CHD9: variants seen among roughly 807,000 people sequenced by gnomAD.
CHD9 encodes the protein chromodomain helicase DNA binding protein 9, also known as ATP-dependent chromatin remodeler CHD9.
A neutral mutation model predicts 316.1 loss-of-function variants in CHD9; 77 were observed. The ratio of observed to expected loss-of-function variants is 0.24; its 90% confidence interval spans 0.20 to 0.29. The LOEUF is 0.29. CHD9 is among the 10% of genes least tolerant of loss of function. CHD9 has a pLI of 1.00. For synonymous variants in CHD9, 1,129 were observed against 1,158.3 expected (o/e 0.97, Z 0.51); for missense variants, 2,763 against 3,438.1 (o/e 0.80, Z 4.91).
At chr16:53,323,182 A>G (rs899808300) in intron 38 of CHD9, among the ~76,000 whole-genome samples, 5 of 152,204 alleles carry the variant, frequency 3.3e-5, no homozygotes, top group African/African-American at 1.2e-4. Flanking sequence ...TGGAAAAAAA[A>G]TGTAAAATAT....
At chr16:53,218,133 T>A (rs1435720759) in intron 3 of CHD9, among the ~76,000 whole-genome samples, 1 of 152,062 alleles carries the variant, frequency 6.6e-6, no homozygotes, top group African/African-American at 2.4e-5. Context: ...ATTTAGAAGG[T>A]TTAGTAGGGA....
intron 2 of CHD9, among the ~76,000 whole-genome samples, chr16:53,206,156 T>A (rs1260729992): frequency 3.3e-5 from 5 of 152,118 alleles, no homozygotes; most frequent in Non-Finnish European, 5.9e-5. Flanking sequence ...TTCCTCCATG[T>A]TGGTCAGGCT....
intron 1 of CHD9, among the ~76,000 whole-genome samples, chr16:53,128,836 C>A (rs1051380907): frequency 6.6e-6 from 1 of 151,988 alleles, no homozygotes; most frequent in Non-Finnish European, 1.5e-5. Context: ...CAGGAGAACC[C>A]CACAGAAAAT....
intron 20 of CHD9, among the ~76,000 whole-genome samples, 164 bp from the exon 21 acceptor site, chr16:53,267,130 G>T (rs993830685): frequency 2.0e-5 from 3 of 152,066 alleles, no homozygotes; most frequent in Non-Finnish European, 4.4e-5. Context: ...AATTCTAAAG[G>T]AATATAAGCA....
In CHD9 at chr16:53,227,440, A is replaced by G. The variant is rs370338039; in HGVS notation, c.2088A>G (p.Leu696=). The change falls in exon 6 of 39, where the codon CTA becomes CTG. Residue 696 remains leucine (L), a synonymous_variant. Transcript: ENST00000447540. ...EEDAAIVDKI[L]SSRTVKKEIS... is the part of the protein sequence containing the mutation. ...ATGCTGCAATTGTAGACAAAATTCT[A>G]TCTTCTAGAACCGTAAAAAAGGAAG... is the stretch of plus-strand genomic sequence containing the variant. 8.3e-5 allele frequency: 130 copies of G among 1,569,760 alleles called. 1 individual carries two copies. The East Asian group carries it at 8.8e-4, about 11-fold the overall frequency.
At position 53,110,191 on chromosome 16, in the gene CHD9, A is replaced by G. The variant is rs186034978; in HGVS notation, c.-164-45735A>G. ...GTTTGTGACCGGTGGTTTAAAGCTT[A>G]TGTCTATAGAAGTATTTTTGAGAAC... On this transcript the variant is annotated intron_variant, in intron 1 of 38. Transcript: ENST00000447540. 6.6e-3 allele frequency among the ~76,000 whole-genome samples: 1,009 copies of G among 152,226 alleles called. 7 individuals are homozygous for G. Among genetic ancestry groups the G allele is most frequent in the Non-Finnish European group, 0.01 (709 of 68,014 alleles).
At chr16:53,247,718 A>C in intron 16 of CHD9, 1 of 413,782 alleles carries the variant, frequency 2.4e-6, no homozygotes, top group Non-Finnish European at 4.3e-6. Flanking sequence ...AGTCCAATTA[A>C]GAAAAGCTTG....
intron 28 of CHD9, among the ~76,000 whole-genome samples, chr16:53,292,478 G>C (rs941029337): frequency 1.3e-5 from 2 of 152,092 alleles, no homozygotes; most frequent in Non-Finnish European, 2.9e-5. Context: ...AATACAGAAG[G>C]CTTCCATTAG....
intron 2 of CHD9, among the ~76,000 whole-genome samples, chr16:53,182,597 A>G (rs767616526): frequency 3.9e-5 from 6 of 152,130 alleles, no homozygotes; most frequent in Non-Finnish European, 7.4e-5. Context: ...TGTTATTTCA[A>G]TAGTATGTTT....
At chr16:53,130,218 A>G (rs1370233424) in intron 1 of CHD9, among the ~76,000 whole-genome samples, 1 of 151,756 alleles carries the variant, frequency 6.6e-6, no homozygotes, top group African/African-American at 2.4e-5. Flanking sequence ...CCTGGGCTCA[A>G]TCGCAGCATC....
chr16:53,057,924 A>C (rs2032359057), intron 1 of CHD9, among the ~76,000 whole-genome samples: 1 of 152,140 alleles, frequency 6.6e-6, no homozygotes, highest in Non-Finnish European at 1.5e-5. Flanking sequence ...TCGCTGTTTG[A>C]AATGGCCCCA....
In CHD9 at chr16:53,151,521, G is replaced by A. The variant is rs550112577; in HGVS notation, c.-164-4405G>A. Among the ~76,000 whole-genome samples, 14 of 152,172 alleles carry A rather than the reference G, an allele frequency of 9.2e-5. No homozygotes were observed. In the East Asian group the frequency reaches 2.3e-3, roughly 25 times the overall value. ...TCCACCTGCCTTAGACTCCCAGAGT[G>A]CTGGGATTACAGGCGTGAGACACCA... On this transcript the variant is annotated intron_variant, in intron 1 of 38. Transcript: ENST00000447540.
chr16:53,135,519 T>A (rs889444276), intron 1 of CHD9, among the ~76,000 whole-genome samples: 1 of 152,156 alleles, frequency 6.6e-6, no homozygotes, highest in East Asian at 1.9e-4. Context: ...CATGATGGAT[T>A]GGATGTGAGA....
rs147643318 is a variant in CHD9, at chr16:53,262,081, C to T, written c.4210-906C>T. 6.0e-3 allele frequency among the ~76,000 whole-genome samples: 912 copies of T among 152,122 alleles called. 6 individuals are homozygous for T. The highest frequency in any genetic ancestry group is 0.01 in the Non-Finnish European group (684 of 67,968). ...TTTGTTTGTATCCCTGATAATTGGG[C>T]ATTATCTTAAAACCATTTACCACTA... On this transcript the variant is annotated intron_variant, in intron 19 of 38. Transcript: ENST00000447540.
At chr16:53,065,019 A>G (rs1023304510) in intron 1 of CHD9, among the ~76,000 whole-genome samples, 1 of 152,004 alleles carries the variant, frequency 6.6e-6, no homozygotes, top group African/African-American at 2.4e-5. Flanking sequence ...GGGAGTGAGA[A>G]AGAAATCACA....
chr16:53,115,078 C>T (rs78097012), intron 1 of CHD9, among the ~76,000 whole-genome samples: 2,330 of 152,302 alleles, frequency 0.015, 60 homozygotes, highest in African/African-American at 0.053. Flanking sequence ...AACAGATTAA[C>T]TTAGGTTACT....
At chr16:53,171,176 A>G (rs1218402201) in intron 2 of CHD9, among the ~76,000 whole-genome samples, 1 of 152,072 alleles carries the variant, frequency 6.6e-6, no homozygotes, top group African/African-American at 2.4e-5. Context: ...TTGGGAGGCC[A>G]AGGTGGGTGG....
In CHD9 at chr16:53,235,358, A is replaced by C. The variant is rs1022927397; in HGVS notation, c.2633+52A>C. The C allele has an allele frequency of 8.6e-6, 11 of 1,283,438 alleles. No homozygotes were observed. The South Asian group carries it at 1.6e-4, about 19-fold the overall frequency. 79.5% of individuals were successfully genotyped at this position (1,283,438 alleles called of 1,614,324 possible). On this transcript the variant is annotated intron_variant, in intron 11 of 38. Transcript: ENST00000447540. ...ATTTATTTTTTTAATGTGTGCCAAAATGTGTCAAGTAAAATAGATACTGTT... is the reference window on the plus strand; with the variant it reads ...ATTTATTTTTTTAATGTGTGCCAAACTGTGTCAAGTAAAATAGATACTGTT...
At position 53,325,617 on chromosome 16, in the gene CHD9, A is replaced by G. The variant is rs554839254; in HGVS notation, c.*722A>G. 30 of 152,696 alleles carry G rather than the reference A, an allele frequency of 2.0e-4. No individual in the cohort carries two copies. The highest frequency in any genetic ancestry group is 6.7e-4 in the African/African-American group (28 of 41,576). The allele number at this position is 152,696 out of a possible 1,614,324, so 9.5% of individuals were successfully genotyped here. ...TTGCTTTTTGCTGAGCTTAATTCAG[A>G]TATCAGTAAAATTAAGTCATAAAAT... On this transcript the variant is annotated 3_prime_UTR_variant, in exon 39 of 39. Coordinates refer to ENST00000447540, the MANE Select transcript of CHD9 (RefSeq NM_001308319.2).
Sources: gnomAD v4.1 joint callset for allele counts (sites outside exome capture counted in the v4.1 genomes callset) on GRCh38, gnomAD v4.1.1 for gene constraint, MANE v1.5 for transcripts, NCBI Gene and HGNC (gene_info 2026-07-23, HGNC 2026-07-21) for gene names.